Variants in GEMIN4 observed in about 807,000 individuals in gnomAD.
GEMIN4 encodes gem nuclear organelle associated protein 4, also known as gem-associated protein 4.
A neutral mutation model predicts 76.8 loss-of-function variants in GEMIN4; 59 were observed. That is an observed-to-expected ratio of 0.77 (90% CI 0.62 to 0.95). GEMIN4 has a LOEUF of 0.95. GEMIN4 is among the 40% of genes least tolerant of loss of function. The probability of loss-of-function intolerance (pLI) is 0.00; values close to 1 mark genes in which losing one functional copy is unlikely to be tolerated. For synonymous variants in GEMIN4, 562 were observed against 559.7 expected (o/e 1.00, Z -0.06); for missense variants, 1,311 against 1,318.9 (o/e 0.99, Z 0.09).
In GEMIN4 at chr17:746,267, T is replaced by G. The variant is rs1974404577; in HGVS notation, c.1776A>C (p.Glu592Asp). 1 of 1,613,674 alleles carries G rather than the reference T, an allele frequency of 6.2e-7. No homozygotes were observed. Among genetic ancestry groups the G allele is most frequent in the Non-Finnish European group, 8.5e-7 (1 of 1,179,898 alleles). Residue 592 changes from glutamate to aspartate, a missense_variant, in exon 2 of 2, where the codon GAA (glutamate) becomes GAC (aspartate). Coordinates refer to ENST00000319004, the MANE Select transcript of GEMIN4 (RefSeq NM_015721.3). This position sits in a 1 kb window ranked among gnomAD's most constrained non-coding sequence, Gnocchi z 4.3. The part of the protein sequence containing the change: ...LTAFPALRFV[E>D]EQGPNSSATF... ...TGGCAGATGAATTGGGACCCTGCTC[T>G]TCCACAAACCTAAGGGCAGGGAAGG...
upstream of GEMIN4, among the ~76,000 whole-genome samples, chr17:752,421 T>C (rs1277685138): frequency 6.6e-6 from 1 of 152,066 alleles, no homozygotes; most frequent in East Asian, 1.9e-4. Context: ...CACCGTCCCC[T>C]GCCCGGCCCC....
At position 746,287 on chromosome 17, in the gene GEMIN4, G is replaced by C. The variant is rs754463282; in HGVS notation, c.1756C>G (p.Pro586Ala). The change falls in exon 2 of 2, where the codon CCT (proline) becomes GCT (alanine). Residue 586 changes from proline (P) to alanine (A), a missense_variant. Pro to Ala is a conservative substitution (Grantham distance 27, BLOSUM62 -1). This residue lies in a region of GEMIN4 where 1,208 missense variants were observed against 1,166.9 expected (regional missense o/e 1.04). Coordinates refer to ENST00000319004, the MANE Select transcript of GEMIN4 (RefSeq NM_015721.3). The surrounding 1 kb of genome is among the most constrained non-coding windows in gnomAD (Gnocchi z 4.3). ...KFLAQILTAF[P>A]ALRFVEEQGP... is the part of the protein sequence containing the mutation. ...TGCTCTTCCACAAACCTAAGGGCAG[G>C]GAAGGCAGTGAGAATCTGGGCCAGG... 1.2e-6 allele frequency: 2 copies of C among 1,613,792 alleles called. No individual in the cohort carries two copies. Among genetic ancestry groups the C allele is most frequent in the Non-Finnish European group, 8.5e-7 (1 of 1,179,892 alleles).
chr17:745,831 C>T lies in GEMIN4; in HGVS notation c.2212G>A (p.Glu738Lys). Residue 738 changes from glutamate to lysine, a missense_variant, in exon 2 of 2, where the codon GAG becomes AAG. Glu to Lys is a moderately conservative substitution (Grantham distance 56, BLOSUM62 1). Around this residue, in one of 2 missense-constraint regions of GEMIN4, gnomAD observed 1,208 missense variants for 1,166.9 expected, o/e 1.04. Transcript: ENST00000319004. This position sits in a 1 kb window ranked among gnomAD's most constrained non-coding sequence, Gnocchi z 4.6. ...GTCTCAGCATTGGCTGATACAATCT[C>T]ACACAGGAGCTCCAGGATATGGATC... is the stretch of plus-strand genomic sequence containing the variant. The part of the protein sequence containing the change: ...LAIHILELLC[E>K]IVSANAETFS... 1.2e-6 allele frequency: 2 copies of T among 1,613,058 alleles called. No individual in the cohort carries two copies. The highest frequency in any genetic ancestry group is 1.7e-5 in the Admixed American group (1 of 59,978).
At position 747,828 on chromosome 17, in the gene GEMIN4, A is replaced by G. The variant is rs763116364; in HGVS notation, c.215T>C (p.Ile72Thr). The G allele has an allele frequency of 1.2e-6, 2 of 1,613,336 alleles. No homozygotes were observed. Among genetic ancestry groups the G allele is most frequent in the African/African-American group, 2.7e-5 (2 of 74,814 alleles). ...PFAWKKKALI[I>T]IWAKVLQPHP... ...CGGCTGCAGAACCTTGGCCCAGATGATGATCAGGGCTTTCTTCTTCCAGGC... is the reference window on the plus strand; with the variant it reads ...CGGCTGCAGAACCTTGGCCCAGATGGTGATCAGGGCTTTCTTCTTCCAGGC... Residue 72 changes from isoleucine (I) to threonine (T), a missense_variant, in exon 2 of 2, where the codon ATC (isoleucine) becomes ACC (threonine). Ile to Thr is a moderately conservative substitution (Grantham distance 89). Transcript: ENST00000319004.
At position 746,100 on chromosome 17, in the gene GEMIN4, G is replaced by A. The variant is rs1974396895; in HGVS notation, c.1943C>T (p.Pro648Leu). The A allele has an allele frequency of 3.7e-6, 6 of 1,613,926 alleles. No homozygotes were observed. Among genetic ancestry groups the A allele is most frequent in the East Asian group, 2.2e-5 (1 of 44,882 alleles). Residue 648 changes from proline to leucine, a missense_variant, in exon 2 of 2, where the codon CCA becomes CTA. This residue lies in a region of GEMIN4 where 1,208 missense variants were observed against 1,166.9 expected (regional missense o/e 1.04). Transcript: ENST00000319004. The surrounding 1 kb of genome is among the most constrained non-coding windows in gnomAD (Gnocchi z 4.3). ...GACAAATTCCTTCAGCACCTCGTCTGGCTCAAGAAGAGCAGCCACTGGAAT... is the reference window on the plus strand; with the variant it reads ...GACAAATTCCTTCAGCACCTCGTCTAGCTCAAGAAGAGCAGCCACTGGAAT... ...QGIPVAALLE[P>L]DEVLKEFVLP...
upstream of GEMIN4, among the ~76,000 whole-genome samples, chr17:752,423 C>T (rs1904788530): frequency 6.6e-6 from 1 of 152,224 alleles, no homozygotes; most frequent in South Asian, 2.1e-4. Flanking sequence ...CCGTCCCCTG[C>T]CCGGCCCCTC....
At position 746,278 on chromosome 17, in the gene GEMIN4, T is replaced by A; in HGVS notation, c.1765A>T (p.Arg589Trp). The A allele has an allele frequency of 6.2e-7, 1 of 1,613,686 alleles. No homozygotes were observed. The highest frequency in any genetic ancestry group is 8.5e-7 in the Non-Finnish European group (1 of 1,179,860). The change falls in exon 2 of 2, where the codon AGG becomes TGG. Residue 589 changes from arginine to tryptophan, a missense_variant. Transcript: ENST00000319004. The surrounding 1 kb of genome is among the most constrained non-coding windows in gnomAD (Gnocchi z 4.3). Reference protein sequence around the residue: ...AQILTAFPALRFVEEQGPNSS... With the variant: ...AQILTAFPALWFVEEQGPNSS... ...TTGGGACCCTGCTCTTCCACAAACC[T>A]AAGGGCAGGGAAGGCAGTGAGAATC...
rs1201609451 is a variant in GEMIN4, at chr17:751,194, G to GT, written c.10+938dup. Among the ~76,000 whole-genome samples the GT allele has an allele frequency of 3.9e-5, 6 of 152,288 alleles. No homozygotes were observed. The East Asian group carries it at 1.2e-3, about 29-fold the overall frequency. ...AGACACTGTGCTAGGTGGTACACAGGTAAGATCTCTTCTATTCACAATCAC... is the reference window on the plus strand; with the variant it reads ...AGACACTGTGCTAGGTGGTACACAGGTTAAGATCTCTTCTATTCACAATCAC... On this transcript the variant is annotated intron_variant, in intron 1 of 1. Coordinates refer to ENST00000319004, the MANE Select transcript of GEMIN4 (RefSeq NM_015721.3).
chr17:746,411 T>C lies in GEMIN4; in HGVS notation c.1632A>G (p.Lys544=). The change falls in exon 2 of 2, where the codon AAA becomes AAG. Residue 544 remains lysine, a synonymous_variant. Transcript: ENST00000319004. The surrounding 1 kb of genome is among the most constrained non-coding windows in gnomAD (Gnocchi z 4.3). ...TQSASEQGLA[K]AVASVARLVI... is the part of the protein sequence containing the mutation. ...CCAGGCGGGCCACGGAGGCCACAGCTTTTGCCAAGCCCTGTTCGGAGGCAC... is the reference window on the plus strand; with the variant it reads ...CCAGGCGGGCCACGGAGGCCACAGCCTTTGCCAAGCCCTGTTCGGAGGCAC... 1 of 1,613,982 alleles carries C rather than the reference T, an allele frequency of 6.2e-7. No homozygotes were observed. The highest frequency in any genetic ancestry group is 8.5e-7 in the Non-Finnish European group (1 of 1,179,900).
chr17:750,014 G>A (rs553563369), intron 1 of GEMIN4: 1 of 982,748 alleles, frequency 1.0e-6, no homozygotes, highest in African/African-American at 1.7e-5. Context: ...AACATCTTGG[G>A]ATGTTTAATC....
chr17:747,620 T>C lies in GEMIN4; in HGVS notation c.423A>G (p.Leu141=), dbSNP rs1904329796. The C allele has an allele frequency of 6.2e-7, 1 of 1,613,822 alleles. No homozygotes were observed. The highest frequency in any genetic ancestry group is 8.5e-7 in the Non-Finnish European group (1 of 1,179,876). ...CGGTCACATGTTCCAGAAAGCGCTC[T>C]AGTTCTGCATGGCAGATGGTGGTGG... The part of the protein sequence containing the change: ...ALPTTICHAE[L]ERFLEHVTVD... Residue 141 remains leucine, a synonymous_variant, in exon 2 of 2, where the codon CTA becomes CTG. Transcript: ENST00000319004.
Position 745,887 on chromosome 17 carries a change from C to T in GEMIN4, c.2156G>A (p.Arg719Gln), listed in dbSNP as rs368956857. Residue 719 changes from arginine to glutamine, a missense_variant, in exon 2 of 2, where the codon CGG becomes CAG. Arg to Gln is a conservative substitution (Grantham distance 43). Around this residue, in one of 2 missense-constraint regions of GEMIN4, gnomAD observed 1,208 missense variants for 1,166.9 expected, o/e 1.04. Coordinates refer to ENST00000319004, the MANE Select transcript of GEMIN4 (RefSeq NM_015721.3). The surrounding 1 kb of genome is among the most constrained non-coding windows in gnomAD (Gnocchi z 4.6). ...SKYWQLPKEK[R>Q]CLSLDRKDLA... is the part of the protein sequence containing the mutation. ...ATCCTTCCTATCCAAAGAGAGGCAC[C>T]GCTTCTCCTTGGGAAGCTGCCAGTA... The T allele has an allele frequency of 7.3e-5, 118 of 1,612,702 alleles. No homozygotes were observed. The highest frequency in any genetic ancestry group is 4.4e-4 in the African/African-American group (33 of 74,892).
chr17:746,308 C>T lies in GEMIN4; in HGVS notation c.1735G>A (p.Ala579Thr). Residue 579 changes from alanine to threonine, a missense_variant, in exon 2 of 2, where the codon GCC (alanine) becomes ACC (threonine). Physicochemically the swap from Ala to Thr is moderately conservative, Grantham distance 58. This residue lies in a region of GEMIN4 where 1,208 missense variants were observed against 1,166.9 expected (regional missense o/e 1.04). Coordinates refer to ENST00000319004, the MANE Select transcript of GEMIN4 (RefSeq NM_015721.3). The surrounding 1 kb of genome is among the most constrained non-coding windows in gnomAD (Gnocchi z 4.3). ...GCAGGGAAGGCAGTGAGAATCTGGG[C>T]CAGGAACTTGTGGGTGCCGAGATTG... ...VVNLGTHKFL[A>T]QILTAFPALR... 2.5e-6 allele frequency: 4 copies of T among 1,613,710 alleles called. No homozygotes were observed. The highest frequency in any genetic ancestry group is 3.4e-6 in the Non-Finnish European group (4 of 1,179,870).
intron 1 of GEMIN4, chr17:748,296 C>T (rs888690005): frequency 2.1e-5 from 10 of 469,356 alleles, no homozygotes; most frequent in African/African-American, 1.8e-4. Flanking sequence ...AGAATCAGAG[C>T]AGGTGTGAGG....
chr17:749,339 A>G (rs1365647771), intron 1 of GEMIN4: 6 of 180,514 alleles, frequency 3.3e-5, no homozygotes, highest in South Asian at 1.3e-4. Flanking sequence ...GGCACAGAGC[A>G]ATCACACGGC....
intron 1 of GEMIN4, chr17:751,831 G>A (rs1904713786): frequency 1.1e-5 from 4 of 362,252 alleles, no homozygotes; most frequent in Non-Finnish European, 2.0e-5. Flanking sequence ...GTGCTCGGAG[G>A]GAGCCCGTTT....
rs756044477 is a variant in GEMIN4 at position 745,960 on chromosome 17, A to G, written c.2083T>C (p.Phe695Leu). Residue 695 changes from phenylalanine (F) to leucine (L), a missense_variant, in exon 2 of 2, where the codon TTT becomes CTT. By Grantham distance (22) the Phe-to-Leu change is conservative. Transcript: ENST00000319004. This position sits in a 1 kb window ranked among gnomAD's most constrained non-coding sequence, Gnocchi z 4.6. ...EEYWLQTCSP[F>L]PLLFSLCQLL... is the part of the protein sequence containing the mutation. ...TGGCACAAGCTGAAGAGGAGTGGAA[A>G]CGGGGAGCAGGTCTGGAGCCAGTAT... The G allele has an allele frequency of 2.5e-6, 4 of 1,613,024 alleles. No individual in the cohort carries two copies. Among genetic ancestry groups the G allele is most frequent in the Non-Finnish European group, 2.5e-6 (3 of 1,179,850 alleles).
In GEMIN4 at chr17:752,226, G is replaced by A. The variant is rs985745043; in HGVS notation, c.-84C>T. On this transcript the variant is annotated 5_prime_UTR_variant, in exon 1 of 2. Transcript: ENST00000319004. ...GCGGCGCGGGACGCACGGCACGATG[G>A]GAGACGCAGGAGCCACGGCGGCCGC... 2 of 1,229,092 alleles carry A rather than the reference G, an allele frequency of 1.6e-6. No homozygotes were observed. The highest frequency in any genetic ancestry group is 2.0e-6 in the Non-Finnish European group (2 of 985,696). 76.1% of individuals were successfully genotyped at this position (1,229,092 alleles called of 1,614,324 possible). A position where few individuals can be genotyped will look rare whatever the true frequency, so the allele number is the denominator to read the frequency against.
At chr17:750,854 C>T (rs1904638416) in intron 1 of GEMIN4, among the ~76,000 whole-genome samples, 1 of 152,182 alleles carries the variant, frequency 6.6e-6, no homozygotes, top group Non-Finnish European at 1.5e-5. Flanking sequence ...AGACCGACTC[C>T]CAGGGAGGGT....
Sources: gnomAD v4.1 joint callset for allele counts (sites outside exome capture counted in the v4.1 genomes callset) on GRCh38, gnomAD v4.1.1 for gene constraint, gnomAD v4.1.1 regional missense constraint, Gnocchi (gnomAD v3.1) non-coding constraint, MANE v1.5 for transcripts, NCBI Gene and HGNC (gene_info 2026-07-23, HGNC 2026-07-21) for gene names.